Variants in SYT16 observed in about 807,000 individuals in gnomAD.
SYT16 encodes synaptotagmin 16.
In SYT16, 42 loss-of-function variants were observed where a neutral mutation model predicts 61.4. The ratio of observed to expected loss-of-function variants is 0.68; its 90% CI spans 0.53 to 0.89. SYT16 has a LOEUF of 0.89. Among genes scored for constraint, SYT16 ranks in the 40% least tolerant of loss-of-function variants. The pLI, the probability that SYT16 is intolerant of heterozygous loss-of-function variation, is 0.00. For synonymous variants in SYT16, 314 were observed against 302.3 expected, an observed-to-expected ratio of 1.04 and a Z score of -0.40; for missense variants, 804 against 807.3, an observed-to-expected ratio of 1.00 and a Z score of 0.05.
rs568760770 is a variant in SYT16, at chr14:61,855,291, A to G, written c.-325+42481A>G. Among the ~76,000 whole-genome samples the G allele has an allele frequency of 4.6e-5, 7 of 152,306 alleles. No homozygotes were observed. The East Asian group carries it at 1.3e-3, about 29-fold the overall frequency. ...TTAATTAGACTATAATTTTGCATGG[A>G]ACTACAGATGTATACAGATGCTCCT... is the stretch of plus-strand genomic sequence containing the variant. On this transcript the variant is annotated intron_variant, in intron 1 of 7. Transcript: ENST00000683842.
At chr14:62,005,866 A>C (rs2140676173) in intron 3 of SYT16, among the ~76,000 whole-genome samples, 1 of 152,270 alleles carries the variant, frequency 6.6e-6, no homozygotes, top group African/African-American at 2.4e-5. Context: ...CAGAGGATGC[A>C]AAAATGTTTT....
chr14:61,880,371 G>T (rs573243963), intron 1 of SYT16, among the ~76,000 whole-genome samples: 1 of 152,312 alleles, frequency 6.6e-6, no homozygotes, highest in Admixed American at 6.5e-5. Context: ...TTTACAGGTG[G>T]TTATGTAGCT....
intron 1 of SYT16, chr14:61,864,736 A>G: frequency 1.0e-6 from 1 of 994,914 alleles, no homozygotes; most frequent in Non-Finnish European, 1.5e-6. Context: ...CAACGTGTCC[A>G]CTCGCTACCT....
At chr14:61,926,107 G>A (rs1043757346) in intron 1 of SYT16, among the ~76,000 whole-genome samples, 1 of 152,194 alleles carries the variant, frequency 6.6e-6, no homozygotes, top group African/African-American at 2.4e-5. Context: ...CAGCATATGT[G>A]TGGGAGATAT....
At chr14:61,976,220 G>A (rs2051790634) in intron 2 of SYT16, among the ~76,000 whole-genome samples, 1 of 152,314 alleles carries the variant, frequency 6.6e-6, no homozygotes, top group South Asian at 2.1e-4. Context: ...TGGCTCTGCA[G>A]GGTTCAGTCC....
At chr14:61,875,841 G>T (rs558738373) in intron 1 of SYT16, among the ~76,000 whole-genome samples, 9 of 152,186 alleles carry the variant, frequency 5.9e-5, no homozygotes, top group Non-Finnish European at 1.3e-4. Flanking sequence ...TGTACACTGG[G>T]GTGCGTATGT....
At chr14:62,031,888 C>T (rs568470842) in intron 3 of SYT16, among the ~76,000 whole-genome samples, 6 of 152,052 alleles carry the variant, frequency 3.9e-5, no homozygotes, top group African/African-American at 9.6e-5. Context: ...AAGACTGTTG[C>T]GATAAGGGAG....
At chr14:61,999,289 C>A (rs2052894729) in intron 3 of SYT16, among the ~76,000 whole-genome samples, 1 of 151,576 alleles carries the variant, frequency 6.6e-6, no homozygotes, top group South Asian at 2.1e-4. Flanking sequence ...AACATAAACT[C>A]AATTTATTTA....
At chr14:61,937,704 G>A (rs1308319079) in intron 1 of SYT16, among the ~76,000 whole-genome samples, 1 of 152,160 alleles carries the variant, frequency 6.6e-6, no homozygotes, top group Non-Finnish European at 1.5e-5. Context: ...ATGGAAGTCA[G>A]CTTTAGGCAC....
At chr14:61,928,001 G>A (rs2049603373) in intron 1 of SYT16, among the ~76,000 whole-genome samples, 1 of 152,098 alleles carries the variant, frequency 6.6e-6, no homozygotes, top group South Asian at 2.1e-4. Context: ...CAGTCCTCAG[G>A]CTAACTTTGA....
chr14:62,021,921 T>A (rs12892923), intron 3 of SYT16, among the ~76,000 whole-genome samples: 67,244 of 151,988 alleles, frequency 0.44, 15,289 homozygotes, highest in East Asian at 0.67. Context: ...AATTCTAGTA[T>A]CTTGTCTCCC....
intron 1 of SYT16, among the ~76,000 whole-genome samples, chr14:61,927,776 C>A (rs781421992): frequency 1.3e-5 from 2 of 151,984 alleles, no homozygotes; most frequent in African/African-American, 4.8e-5. Context: ...AGTTGGGGTA[C>A]GTATTATTAA....
chr14:62,006,869 A>C (rs1163364431), intron 3 of SYT16, among the ~76,000 whole-genome samples: 1 of 152,088 alleles, frequency 6.6e-6, no homozygotes, highest in East Asian at 1.9e-4. Context: ...TATGCTCACT[A>C]TTTCCTGAAA....
chr14:62,048,409 G>T (rs1346909436), intron 3 of SYT16, among the ~76,000 whole-genome samples: 1 of 151,654 alleles, frequency 6.6e-6, no homozygotes, highest in African/African-American at 2.4e-5. Context: ...CAATTTTGTT[G>T]ATCTTTTCAA....
chr14:61,899,755 T>C (rs747152885), intron 1 of SYT16, among the ~76,000 whole-genome samples: 2 of 152,084 alleles, frequency 1.3e-5, no homozygotes, highest in Non-Finnish European at 2.9e-5. Context: ...TGGGGAGCAA[T>C]TGGGCTCAGA....
chr14:61,869,496 C>T (rs1348641574), intron 1 of SYT16, among the ~76,000 whole-genome samples: 5 of 152,006 alleles, frequency 3.3e-5, no homozygotes, highest in African/African-American at 1.2e-4. Flanking sequence ...AATAATATTA[C>T]AGTGATTTCC....
chr14:61,864,541 G>A (rs544738087), intron 1 of SYT16, among the ~76,000 whole-genome samples: 81 of 152,394 alleles, frequency 5.3e-4, no homozygotes, highest in Non-Finnish European at 9.4e-4. Flanking sequence ...GTAGAGATGA[G>A]CAACCTGGCC....
At position 62,051,039 on chromosome 14, in the gene SYT16, C is replaced by T. The variant is rs569104959; in HGVS notation, c.524-18564C>T. On this transcript the variant is annotated intron_variant, in intron 3 of 7. Coordinates refer to ENST00000683842, the MANE Select transcript of SYT16 (RefSeq NM_001367656.1). The stretch of plus-strand genomic sequence containing the variant: ...TTACGTCTGTAGAGGTTACTGCTGC[C>T]TTTTGTTTGGCTATGCCTTGCCCCC... 5.9e-5 allele frequency among the ~76,000 whole-genome samples: 9 copies of T among 152,374 alleles called. 1 individual carries two copies. The South Asian group carries it at 1.9e-3, about 32-fold the overall frequency.
chr14:62,078,547 G>C (rs2056596328), intron 5 of SYT16, among the ~76,000 whole-genome samples: 1 of 152,206 alleles, frequency 6.6e-6, no homozygotes, highest in South Asian at 2.1e-4. Context: ...TTTGTTCCCT[G>C]CTTTGGGAGT....
Sources: gnomAD v4.1 joint callset for allele counts (sites outside exome capture counted in the v4.1 genomes callset) on GRCh38, gnomAD v4.1.1 for gene constraint, MANE v1.5 for transcripts, NCBI Gene and HGNC (gene_info 2026-07-23, HGNC 2026-07-21) for gene names.